Variants in NCKAP5 observed in about 807,000 individuals in gnomAD.
NCKAP5 encodes the protein nck-associated protein 5.
A neutral mutation model predicts 167.0 loss-of-function variants in NCKAP5; 92 were observed. The ratio of observed to expected loss-of-function variants is 0.55; its 90% CI spans 0.47 to 0.66. NCKAP5 has a LOEUF of 0.66. Among genes scored for constraint, NCKAP5 ranks in the 30% least tolerant of loss-of-function variants. NCKAP5 has a pLI of 0.00. For missense variants in NCKAP5, 2,378 were observed against 2,315.0 expected, an observed-to-expected ratio of 1.03 and a Z score of -0.56; for synonymous variants, 891 against 877.4, an observed-to-expected ratio of 1.02 and a Z score of -0.27.
intron 19 of NCKAP5, among the ~76,000 whole-genome samples, chr2:132,688,101 A>C (rs1258146022): frequency 6.6e-6 from 1 of 152,222 alleles, no homozygotes; most frequent in African/African-American, 2.4e-5. Context: ...CTGTGAATGA[A>C]TTATGGCCTA....
intron 5 of NCKAP5, among the ~76,000 whole-genome samples, chr2:133,156,666 C>T (rs1359867805): frequency 6.6e-6 from 1 of 152,132 alleles, no homozygotes; most frequent in Non-Finnish European, 1.5e-5. Flanking sequence ...CACAACTCTG[C>T]TTCCTGTTTC....
chr2:132,749,724 T>C (rs1679949550), intron 16 of NCKAP5, among the ~76,000 whole-genome samples: 1 of 151,824 alleles, frequency 6.6e-6, no homozygotes, highest in South Asian at 2.1e-4. Flanking sequence ...TTAAAATACA[T>C]ATAAGACAAA....
intron 3 of NCKAP5, among the ~76,000 whole-genome samples, chr2:133,455,440 T>TG (rs971643525): frequency 6.6e-6 from 1 of 152,120 alleles, no homozygotes; most frequent in African/African-American, 2.4e-5. Flanking sequence ...CCATCTCATA[T>TG]TTTTACCACT....
the NCKAP5 span, among the ~76,000 whole-genome samples, chr2:133,590,932 A>T: frequency 3.7e-3 from 504 of 134,882 alleles, 2 homozygotes; most frequent in Non-Finnish European, 5.5e-3. Context: ...TGTGTGAGAG[A>T]GAGAGAGAGA....
At chr2:133,450,431 G>C (rs1482141640) in intron 3 of NCKAP5, among the ~76,000 whole-genome samples, 1 of 152,074 alleles carries the variant, frequency 6.6e-6, no homozygotes, top group Non-Finnish European at 1.5e-5. Context: ...CCATTAATGC[G>C]GCCTATGGTA....
intron 8 of NCKAP5, among the ~76,000 whole-genome samples, chr2:132,939,806 C>T (rs1267165000): frequency 1.3e-5 from 2 of 152,030 alleles, no homozygotes; most frequent in Non-Finnish European, 2.9e-5. Context: ...TCAAGACCAG[C>T]CTGGTCAACA....
chr2:133,001,412 G>A (rs1300878356), intron 6 of NCKAP5, among the ~76,000 whole-genome samples: 2 of 151,964 alleles, frequency 1.3e-5, no homozygotes, highest in Non-Finnish European at 2.9e-5. Flanking sequence ...GAGAGACAGG[G>A]TTTTGCCATG....
rs373550223 is a variant in NCKAP5, at chr2:132,783,238, C to T, written c.3573G>A (p.Glu1191=). Residue 1191 remains glutamate, a synonymous_variant, in exon 14 of 20, where the codon GAG becomes GAA. Coordinates refer to ENST00000409261, the MANE Select transcript of NCKAP5 (RefSeq NM_207363.3). ...SSVAVNKSKP[E]DSKNPASMEI... Reference sequence around the variant, plus strand: ...CCATGCTTGCTGGATTCTTGGAGTCCTCTGGCTTAGACTTGTTCACAGCCA... The same window carrying T: ...CCATGCTTGCTGGATTCTTGGAGTCTTCTGGCTTAGACTTGTTCACAGCCA... The T allele has an allele frequency of 5.7e-4, 918 of 1,613,970 alleles. 20 individuals carry two copies. In the South Asian group the frequency reaches 9.1e-3, roughly 16 times the overall value.
At chr2:133,423,420 T>A (rs1455938572) in intron 3 of NCKAP5, among the ~76,000 whole-genome samples, 3 of 152,228 alleles carry the variant, frequency 2.0e-5, no homozygotes, top group Admixed American at 1.3e-4. Flanking sequence ...TGAAGTGAAG[T>A]GAAGCTGCAC....
intron 19 of NCKAP5, among the ~76,000 whole-genome samples, chr2:132,680,387 G>C (rs1573826719): frequency 6.6e-6 from 1 of 152,274 alleles, no homozygotes; most frequent in East Asian, 1.9e-4. Flanking sequence ...ATTTTCAGCA[G>C]AGATGTGCTT....
intron 3 of NCKAP5, 50 bp downstream of exon 3, chr2:133,517,408 G>T: frequency 2.0e-6 from 2 of 995,958 alleles, no homozygotes; most frequent in Non-Finnish European, 2.8e-6. Flanking sequence ...AAAGAATAAT[G>T]CATTCAAAGC....
At chr2:133,602,016 T>C in the NCKAP5 span, among the ~76,000 whole-genome samples, 1 of 152,182 alleles carries the variant, frequency 6.6e-6, no homozygotes, top group Non-Finnish European at 1.5e-5. Context: ...TGTTTTAAAA[T>C]ATTAATGTGT....
At chr2:133,342,639 C>A (rs573033545) in intron 3 of NCKAP5, among the ~76,000 whole-genome samples, 2 of 152,116 alleles carry the variant, frequency 1.3e-5, no homozygotes, top group Admixed American at 1.3e-4. Context: ...AACAATACCC[C>A]CTCCAGCCAC....
At chr2:132,743,436 A>T (rs925645030) in intron 16 of NCKAP5, among the ~76,000 whole-genome samples, 1 of 151,862 alleles carries the variant, frequency 6.6e-6, no homozygotes, top group Non-Finnish European at 1.5e-5. Context: ...GAGAGGTTAT[A>T]TGAAAATAGC....
chr2:132,886,416 G>GTTATCACA (rs1317300501), intron 8 of NCKAP5, among the ~76,000 whole-genome samples: 1 of 152,200 alleles, frequency 6.6e-6, no homozygotes, highest in Non-Finnish European at 1.5e-5. Flanking sequence ...CCACTGTGTA[G>GTTATCACA]TTATCACATT....
intron 11 of NCKAP5, among the ~76,000 whole-genome samples, chr2:132,828,293 T>C (rs1687274848): frequency 6.6e-6 from 1 of 152,162 alleles, no homozygotes; most frequent in South Asian, 2.1e-4. Flanking sequence ...TGCCCAAACC[T>C]CATGTTGAAG....
chr2:133,099,604 T>A (rs1482887186), intron 6 of NCKAP5, among the ~76,000 whole-genome samples: 1 of 152,182 alleles, frequency 6.6e-6, no homozygotes, highest in Non-Finnish European at 1.5e-5. Flanking sequence ...TTCTCAAACA[T>A]CTTTGTTTTT....
intron 8 of NCKAP5, among the ~76,000 whole-genome samples, chr2:132,927,954 A>G (rs1696043337): frequency 6.6e-6 from 1 of 152,176 alleles, no homozygotes; most frequent in Non-Finnish European, 1.5e-5. Flanking sequence ...GTTGACTCAT[A>G]ATTGTTTTCC....
intron 3 of NCKAP5, among the ~76,000 whole-genome samples, chr2:133,446,175 G>A (rs1295438267): frequency 1.3e-5 from 2 of 152,134 alleles, no homozygotes; most frequent in Non-Finnish European, 2.9e-5. Flanking sequence ...GCAAAGATAT[G>A]AGAAACGCAA....
Sources: allele counts gnomAD v4.1 joint callset (sites outside exome capture counted in the v4.1 genomes callset), GRCh38; gene constraint gnomAD v4.1.1; transcripts MANE v1.5; gene names NCBI Gene and HGNC (gene_info 2026-07-23, HGNC 2026-07-21).